The following RBFOX1 variants were observed in gnomAD, a reference collection of about 807,000 sequenced individuals.
RBFOX1 encodes the protein RNA binding protein fox-1 homolog 1.
RBFOX1 carries 8 observed loss-of-function variants against 57.7 expected under a neutral mutation model. That is an observed-to-expected ratio of 0.14 (90% CI 0.08 to 0.25). The LOEUF is 0.25. RBFOX1 is among the 10% of genes least tolerant of loss of function. The pLI, the probability that RBFOX1 is intolerant of heterozygous loss-of-function variation, is 1.00. For synonymous variants in RBFOX1, 326 were observed against 222.4 expected (o/e 1.47, Z -4.15); for missense variants, 611 against 548.5 (o/e 1.11, Z -1.14).
At chr16:6,810,725 C>G (rs950047775) in intron 3 of RBFOX1, among the ~76,000 whole-genome samples, 3 of 152,072 alleles carry the variant, frequency 2.0e-5, no homozygotes, top group African/African-American at 7.2e-5. Flanking sequence ...GAAGCAAATA[C>G]CTTCTTCACA....
chr16:6,441,560 G>A (rs1225125713), intron 2 of RBFOX1, among the ~76,000 whole-genome samples: 1 of 152,044 alleles, frequency 6.6e-6, no homozygotes, highest in Non-Finnish European at 1.5e-5. Flanking sequence ...GGGATTACAG[G>A]CGTGTGCCAC....
intron 2 of RBFOX1, among the ~76,000 whole-genome samples, chr16:6,601,078 TTA>T (rs2097847075): frequency 1.3e-5 from 2 of 152,144 alleles, no homozygotes; most frequent in African/African-American, 4.8e-5. Context: ...AGACCAGAAA[TTA>T]TAGAGTAGCA....
intron 1 of RBFOX1, among the ~76,000 whole-genome samples, chr16:5,347,783 G>C (rs1204546529): frequency 1.7e-4 from 18 of 107,324 alleles, no homozygotes; most frequent in African/African-American, 6.9e-4. Context: ...CCCACCCATT[G>C]GTCTATCCGC....
chr16:7,460,817 A>G (rs189382785), intron 4 of RBFOX1, among the ~76,000 whole-genome samples: 33 of 152,298 alleles, frequency 2.2e-4, no homozygotes, highest in Non-Finnish European at 4.1e-4. Context: ...CCAAAACTGC[A>G]TTTCCAGCCT....
At chr16:6,113,924 C>T (rs1002133081) in intron 1 of RBFOX1, among the ~76,000 whole-genome samples, 6 of 152,112 alleles carry the variant, frequency 3.9e-5, no homozygotes, top group East Asian at 1.9e-4. Flanking sequence ...TTCATTATTA[C>T]GATCTGATAC....
chr16:6,777,343 A>G (rs923940603), intron 3 of RBFOX1, among the ~76,000 whole-genome samples: 7 of 152,150 alleles, frequency 4.6e-5, no homozygotes, highest in African/African-American at 1.2e-4. Context: ...CTAGTGGATG[A>G]TGTTTAAGTT....
chr16:6,868,939 G>T (rs7187414), intron 3 of RBFOX1, among the ~76,000 whole-genome samples: 25,044 of 152,088 alleles, frequency 0.16, 2,756 homozygotes, highest in East Asian at 0.3. Context: ...TCTAGCCCTT[G>T]CCTTAGAGAT....
intron 4 of RBFOX1, among the ~76,000 whole-genome samples, chr16:7,237,219 C>A (rs1310226353): frequency 2.0e-5 from 3 of 152,140 alleles, no homozygotes; most frequent in Non-Finnish European, 4.4e-5. Flanking sequence ...TGGGTTCTTG[C>A]CTTGTAATCC....
intron 3 of RBFOX1, among the ~76,000 whole-genome samples, chr16:6,866,539 C>CTTTTTTTTTTTTTTTTTTTTTTT (rs1161474639): frequency 2.0e-5 from 1 of 49,088 alleles, no homozygotes; most frequent in Non-Finnish European, 3.6e-5. Context: ...TTCTTTCCTT[C>CTTTTTTTTTTTTTTTTTTTTTTT]TATTTTTTTT....
At chr16:7,111,063 T>C (rs1379403101) in intron 4 of RBFOX1, among the ~76,000 whole-genome samples, 1 of 152,158 alleles carries the variant, frequency 6.6e-6, no homozygotes, top group Non-Finnish European at 1.5e-5. Flanking sequence ...AAAAATACTG[T>C]TTTTGAAAAG....
intron 4 of RBFOX1, among the ~76,000 whole-genome samples, chr16:7,129,729 G>A (rs2069679697): frequency 6.6e-6 from 1 of 151,388 alleles, no homozygotes; most frequent in South Asian, 2.1e-4. Flanking sequence ...CGGGTTGTGT[G>A]TGCTATTTTT....
intron 1 of RBFOX1, among the ~76,000 whole-genome samples, chr16:6,190,381 A>G (rs1050948299): frequency 3.9e-5 from 6 of 152,212 alleles, no homozygotes; most frequent in African/African-American, 1.4e-4. Flanking sequence ...AGTGTCAGGT[A>G]TGTAGCATCC....
intron 1 of RBFOX1, among the ~76,000 whole-genome samples, chr16:6,304,354 G>C (rs1421694729): frequency 6.6e-6 from 1 of 151,832 alleles, no homozygotes; most frequent in Non-Finnish European, 1.5e-5. Context: ...TTTTTATCCT[G>C]GCTCTATAAA....
rs996757000 is a variant in RBFOX1 at position 6,206,656 on chromosome 16, C to G, written c.-126-110339C>G. On this transcript the variant is annotated intron_variant, in intron 1 of 15. Transcript: ENST00000550418. ...CTTTTCATTTTGAAATAATTATACA[C>G]TCATCAGAAGTTGCAAAGATAATAC... 2.6e-5 allele frequency among the ~76,000 whole-genome samples: 4 copies of G among 152,152 alleles called. No homozygotes were observed. In the South Asian group the frequency reaches 6.2e-4, roughly 24 times the overall value.
intron 1 of RBFOX1, among the ~76,000 whole-genome samples, chr16:6,144,288 G>A (rs905638051): frequency 1.3e-5 from 2 of 152,090 alleles, no homozygotes; most frequent in Non-Finnish European, 1.5e-5. Flanking sequence ...TTCCTATCCA[G>A]AGATGGGCTT....
intron 1 of RBFOX1, among the ~76,000 whole-genome samples, chr16:6,183,938 TAA>T (rs1318775657): frequency 2.0e-5 from 3 of 152,160 alleles, no homozygotes; most frequent in African/African-American, 7.2e-5. Flanking sequence ...ACACTGCTGG[TAA>T]AGACATACCT....
intron 1 of RBFOX1, among the ~76,000 whole-genome samples, chr16:5,294,010 C>T (rs570585520): frequency 5.9e-5 from 9 of 152,226 alleles, no homozygotes; most frequent in Non-Finnish European, 1.2e-4. Flanking sequence ...GGGTAGAACA[C>T]CTGAGGCCAG....
chr16:7,459,989 T>C (rs1425217248), intron 4 of RBFOX1, among the ~76,000 whole-genome samples: 1 of 152,138 alleles, frequency 6.6e-6, no homozygotes, highest in Non-Finnish European at 1.5e-5. Context: ...GAAATAAAAT[T>C]AGTTTAAACA....
At chr16:6,973,822 G>C (rs1377941041) in intron 3 of RBFOX1, among the ~76,000 whole-genome samples, 1 of 152,002 alleles carries the variant, frequency 6.6e-6, no homozygotes, top group Non-Finnish European at 1.5e-5. Flanking sequence ...AGGATGTGTA[G>C]GTTTGTTAAA....
Sources: gnomAD v4.1 joint callset for allele counts (sites outside exome capture counted in the v4.1 genomes callset) on GRCh38, gnomAD v4.1.1 for gene constraint, MANE v1.5 for transcripts, NCBI Gene and HGNC (gene_info 2026-07-23, HGNC 2026-07-21) for gene names.